Variants in CTNNAL1 observed in about 807,000 individuals in gnomAD.
CTNNAL1 encodes alpha-catulin.
In CTNNAL1, 69 loss-of-function variants were observed where a neutral mutation model predicts 93.6. The observed-to-expected ratio is 0.74, with a 90% CI of 0.61 to 0.90. The LOEUF (loss-of-function observed/expected upper bound fraction) is 0.90, where lower values mean the gene tolerates loss of function less well. Among genes scored for constraint, CTNNAL1 ranks in the 40% least tolerant of loss-of-function variants. The probability of loss-of-function intolerance (pLI) is 0.00; values close to 1 mark genes in which losing one functional copy is unlikely to be tolerated. For synonymous variants in CTNNAL1, 286 were observed against 305.4 expected (o/e 0.94, Z 0.66); for missense variants, 836 against 862.0 (o/e 0.97, Z 0.38).
chr9:108,982,978 T>C (rs1002371035), intron 6 of CTNNAL1, among the ~76,000 whole-genome samples, 167 bp downstream of exon 6: 3 of 151,988 alleles, frequency 2.0e-5, no homozygotes, highest in African/African-American at 7.3e-5. Flanking sequence ...CTTGGGAGGA[T>C]GAAGCACAAG....
chr9:108,972,360 G>T (rs530569932), intron 9 of CTNNAL1, among the ~76,000 whole-genome samples: 1 of 152,188 alleles, frequency 6.6e-6, no homozygotes, highest in Admixed American at 6.5e-5. Context: ...TCCCTGCTGA[G>T]ACCCTGACAG....
intron 8 of CTNNAL1, 75 bp from the exon 9 acceptor site, chr9:108,972,908 A>G (rs1380034378): frequency 8.3e-6 from 12 of 1,441,844 alleles, no homozygotes; most frequent in Non-Finnish European, 1.1e-5. Context: ...AAAACAAACA[A>G]TAACATTTTG....
chr9:109,013,250 T>A, intron 1 of CTNNAL1, 52 bp downstream of exon 1: 3 of 1,428,400 alleles, frequency 2.1e-6, no homozygotes, highest in Non-Finnish European at 2.8e-6. Flanking sequence ...GCGGCCGCCA[T>A]CGCGGGCCGC....
At chr9:108,955,320 T>C (rs1830665421) in intron 12 of CTNNAL1, among the ~76,000 whole-genome samples, 1 of 152,122 alleles carries the variant, frequency 6.6e-6, no homozygotes, top group Admixed American at 6.5e-5. Flanking sequence ...CCAAAAGGGA[T>C]CTTGGGACCA....
chr9:108,972,868 G>GCCCCCCGGGT, intron 8 of CTNNAL1, 35 bp from the exon 9 acceptor site: 3 of 1,092,786 alleles, frequency 2.7e-6, no homozygotes, highest in Non-Finnish European at 3.7e-6. Flanking sequence ...GGGTGGGAGG[G>GCCCCCCGGGT]TGGAGAAGGA....
intron 1 of CTNNAL1, among the ~76,000 whole-genome samples, chr9:109,007,455 G>A (rs1212318622): frequency 6.6e-6 from 1 of 152,136 alleles, no homozygotes; most frequent in Non-Finnish European, 1.5e-5. Flanking sequence ...ATCTATCATA[G>A]ACAGGAAAAG....
At chr9:108,997,995 C>T (rs543084600) in intron 2 of CTNNAL1, among the ~76,000 whole-genome samples, 1 of 152,338 alleles carries the variant, frequency 6.6e-6, no homozygotes, top group South Asian at 2.1e-4. Flanking sequence ...AAATCTCCCA[C>T]TAATCCCTCA....
rs540528588 is a variant in CTNNAL1, at chr9:108,981,075, T to C, written c.901-1594A>G. 3.3e-5 allele frequency among the ~76,000 whole-genome samples: 5 copies of C among 152,344 alleles called. No individual in the cohort carries two copies. In the East Asian group the frequency reaches 9.6e-4, roughly 29 times the overall value. The stretch of plus-strand genomic sequence containing the variant: ...ACAGCTCTGCCTCCAGCATGCCTGA[T>C]GGCGAGAGGGCAGCAGCCAGAGCTG... On this transcript the variant is annotated intron_variant, in intron 6 of 18. Transcript: ENST00000325551.
chr9:108,960,191 G>C (rs1167497686), intron 11 of CTNNAL1, among the ~76,000 whole-genome samples: 1 of 152,126 alleles, frequency 6.6e-6, no homozygotes, highest in African/African-American at 2.4e-5. Context: ...TCAGGAGCAG[G>C]AATGAGGTAT....
chr9:108,943,984 C>T lies in CTNNAL1; in HGVS notation c.1919G>A (p.Ser640Asn). ...FAAEGLKLTSSVQAFSKQLKD... is the reference protein window; with the variant it reads ...FAAEGLKLTSNVQAFSKQLKD... The stretch of plus-strand genomic sequence containing the variant: ...TACCTGTTTTGAAAAAGCTTGAACA[C>T]TGGAAGTAAGCTTTAAACCCTCTGC... Residue 640 changes from serine to asparagine, a missense_variant, in exon 16 of 19, where the codon AGT becomes AAT. By Grantham distance (46) the Ser-to-Asn change is conservative. Transcript: ENST00000325551. 1 of 1,613,814 alleles carries T rather than the reference C, an allele frequency of 6.2e-7. No individual in the cohort carries two copies. Among genetic ancestry groups the T allele is most frequent in the Non-Finnish European group, 8.5e-7 (1 of 1,179,880 alleles).
intron 1 of CTNNAL1, among the ~76,000 whole-genome samples, chr9:109,003,093 A>C (rs1402488749): frequency 6.6e-6 from 1 of 152,234 alleles, no homozygotes; most frequent in Non-Finnish European, 1.5e-5. Context: ...GCATCTAAAG[A>C]TGAAGCTAAG....
At chr9:108,967,587 ATATG>A (rs554328254) in intron 10 of CTNNAL1, among the ~76,000 whole-genome samples, 1 of 152,216 alleles carries the variant, frequency 6.6e-6, no homozygotes, top group Non-Finnish European at 1.5e-5. Flanking sequence ...GGGAATAAAA[ATATG>A]TATCAAAATA....
Position 109,013,415 on chromosome 9 carries a change from C to G in CTNNAL1, c.28G>C (p.Val10Leu). MAASPGPAG[V>L]GGAGAVYGSG... ...CCGTAGACTGCTCCGGCGCCGCCAA[C>G]GCCGGCGGGTCCGGGAGAGGCGGCC... is the stretch of plus-strand genomic sequence containing the variant. The change falls in exon 1 of 19, where the codon GTT becomes CTT. Residue 10 changes from valine (V) to leucine (L), a missense_variant. Transcript: ENST00000325551. 1.3e-6 allele frequency: 2 copies of G among 1,486,668 alleles called. No homozygotes were observed. The highest frequency in any genetic ancestry group is 1.8e-6 in the Non-Finnish European group (2 of 1,116,950). 92.1% of individuals were successfully genotyped at this position (1,486,668 alleles called of 1,614,324 possible).
intron 1 of CTNNAL1, among the ~76,000 whole-genome samples, chr9:109,011,197 C>T (rs866708669): frequency 2.6e-5 from 4 of 152,054 alleles, no homozygotes; most frequent in Admixed American, 6.6e-5. Context: ...CTTTGTTAAC[C>T]GAGTATTCTG....
At chr9:108,956,785 T>C (rs1385494939) in intron 11 of CTNNAL1, among the ~76,000 whole-genome samples, 2 of 152,130 alleles carry the variant, frequency 1.3e-5, no homozygotes, top group Middle Eastern at 3.2e-3. Flanking sequence ...AGAACTGTAC[T>C]ATTAAATATG....
intron 11 of CTNNAL1, among the ~76,000 whole-genome samples, chr9:108,958,789 A>G (rs1445088590): frequency 6.6e-6 from 1 of 151,712 alleles, no homozygotes; most frequent in Non-Finnish European, 1.5e-5. Flanking sequence ...GCAGTGGTGC[A>G]ATCTCGGCTC....
chr9:109,009,442 AT>A (rs930066807), intron 1 of CTNNAL1, among the ~76,000 whole-genome samples: 11 of 151,814 alleles, frequency 7.2e-5, no homozygotes, highest in Non-Finnish European at 1.2e-4. Context: ...TCCCAGCTTA[AT>A]TTTTTTTAAG....
intron 8 of CTNNAL1, 31 bp from the exon 9 acceptor site, chr9:108,972,864 G>GGGGGGGGGGGCCCCCCCCCCCCCCCCCCC: frequency 7.0e-6 from 1 of 142,590 alleles, no homozygotes; most frequent in Non-Finnish European, 1.0e-5. Context: ...GGGGGGGTGG[G>GGGGGGGGGGGCCCCCCCCCCCCCCCCCCC]AGGGTGGAGA....
chr9:108,983,064 C>T (rs1185784927), intron 6 of CTNNAL1, 81 bp downstream of exon 6: 25 of 1,185,176 alleles, frequency 2.1e-5, no homozygotes, highest in African/African-American at 6.4e-5. Flanking sequence ...GGCAACAGAG[C>T]GAGACTCCAT....
Sources: allele counts gnomAD v4.1 joint callset (sites outside exome capture counted in the v4.1 genomes callset), GRCh38; gene constraint gnomAD v4.1.1; transcripts MANE v1.5; gene names NCBI Gene and HGNC (gene_info 2026-07-23, HGNC 2026-07-21).